Variants in COL6A5 observed in about 807,000 individuals in gnomAD.
COL6A5 encodes collagen alpha-5(VI) chain.
COL6A5 carries 48 observed loss-of-function variants against 65.6 expected under a neutral mutation model. The ratio of observed to expected loss-of-function variants is 0.73; its 90% confidence interval spans 0.58 to 0.93. The LOEUF (loss-of-function observed/expected upper bound fraction) is 0.93. Ranked by LOEUF, COL6A5 falls within the 40% of genes least tolerant of loss-of-function variation. The pLI is 0.00. For missense variants in COL6A5, 914 were observed against 928.3 expected (o/e 0.98, Z 0.20); for synonymous variants, 291 against 322.8 (o/e 0.90, Z 1.05).
intron 1 of COL6A5, among the ~76,000 whole-genome samples, chr3:130,356,011 T>A (rs1242474988): frequency 6.6e-6 from 1 of 152,166 alleles, no homozygotes; most frequent in Non-Finnish European, 1.5e-5. Flanking sequence ...CTATATTAAA[T>A]TGAGGTGTAG....
exon 3 of COL6A5, chr3:130,376,552 GGA>G: frequency 6.2e-7 from 1 of 1,605,320 alleles, no homozygotes; most frequent in Non-Finnish European, 8.5e-7. Context: ...CCCATAAATG[GGA>G]GAGACAGGAA....
rs142300541 is a variant in COL6A5, at chr3:130,403,179, A to G, written c.4228-430A>G. Among the ~76,000 whole-genome samples, 1,072 of 152,328 alleles carry G rather than the reference A, an allele frequency of 7.0e-3. 9 individuals are homozygous for G. Among genetic ancestry groups the G allele is most frequent in the Non-Finnish European group, 0.01 (713 of 68,024 alleles). On this transcript the variant is annotated intron_variant and NMD_transcript_variant, in intron 12 of 41. Transcript: ENST00000312481. ...AGGGAGAGATGACTGCAATTAAAATATATGCAATCTTGTTGTTGGAAGTGG... is the reference window on the plus strand; with the variant it reads ...AGGGAGAGATGACTGCAATTAAAATGTATGCAATCTTGTTGTTGGAAGTGG...
exon 25 of COL6A5, chr3:130,418,899 C>T (rs1937441487): frequency 6.4e-7 from 1 of 1,550,702 alleles, no homozygotes; most frequent in African/African-American, 1.4e-5. Flanking sequence ...AGATCTAGGG[C>T]CAGTGGGGCA....
At chr3:130,429,506 G>GT (rs1013908681), upstream of COL6A5, 4 of 1,401,720 alleles carry the variant, frequency 2.9e-6, no homozygotes, top group African/African-American at 4.4e-5. Flanking sequence ...TTAAAATGTT[G>GT]TTTTTTGAAC....
exon 3 of COL6A5, chr3:130,440,563 T>C: frequency 1.2e-6 from 2 of 1,613,558 alleles, no homozygotes; most frequent in Non-Finnish European, 1.7e-6. Flanking sequence ...AAACACCCTA[T>C]CTAAGAAAAC....
chr3:130,440,993 C>G (rs745717961), intron 3 of COL6A5, among the ~76,000 whole-genome samples, 168 bp downstream of exon 35: 2 of 152,066 alleles, frequency 1.3e-5, no homozygotes, highest in Non-Finnish European at 2.9e-5. Context: ...TGTTTATATC[C>G]TGGTCACAAA....
intron 7 of COL6A5, among the ~76,000 whole-genome samples, chr3:130,479,458 A>C (rs1329510751): frequency 1.4e-4 from 21 of 152,250 alleles, no homozygotes; most frequent in Middle Eastern, 3.4e-3. Flanking sequence ...AACAAACAAA[A>C]ACCACAAAAC....
chr3:130,436,792 G>T (rs542506682), intron 1 of COL6A5, among the ~76,000 whole-genome samples: 1 of 151,826 alleles, frequency 6.6e-6, no homozygotes, highest in African/African-American at 2.4e-5. Flanking sequence ...CATCACCTTG[G>T]CCTCAGAATG....
At chr3:130,405,735 C>G in intron 14 of COL6A5, 76 bp downstream of exon 14, 1 of 1,188,788 alleles carries the variant, frequency 8.4e-7, no homozygotes, top group Non-Finnish European at 1.2e-6. Flanking sequence ...CCTTTCCTCC[C>G]TCATTTTCTC....
intron 3 of COL6A5, 110 bp downstream of exon 3, chr3:130,376,946 T>TTTCCA: frequency 8.0e-7 from 1 of 1,244,320 alleles, no homozygotes. Context: ...CATGTTGAAG[T>TTTCCA]ATTGGAAACT....
chr3:130,424,119 A>G (rs1937562330), intron 29 of COL6A5, among the ~76,000 whole-genome samples: 1 of 152,134 alleles, frequency 6.6e-6, no homozygotes, highest in Non-Finnish European at 1.5e-5. Context: ...GGATCAGATA[A>G]TCAAATGTGA....
At chr3:130,411,137 G>A (rs139630661) in intron 20 of COL6A5, among the ~76,000 whole-genome samples, 43 of 152,286 alleles carry the variant, frequency 2.8e-4, no homozygotes, top group African/African-American at 1.0e-3. Flanking sequence ...AGCATCCCAC[G>A]TTATATCAAG....
At chr3:130,369,259 C>T (rs935743838) in intron 1 of COL6A5, among the ~76,000 whole-genome samples, 1 of 152,154 alleles carries the variant, frequency 6.6e-6, no homozygotes, top group African/African-American at 2.4e-5. Flanking sequence ...TAAACTTTCT[C>T]TTTCAGAATG....
At chr3:130,403,974 A>T (rs565905931) in intron 13 of COL6A5, among the ~76,000 whole-genome samples, 1 of 152,108 alleles carries the variant, frequency 6.6e-6, no homozygotes, top group African/African-American at 2.4e-5. Context: ...GTAGCCTGGC[A>T]TGTTTTTATC....
intron 7 of COL6A5, among the ~76,000 whole-genome samples, chr3:130,394,019 G>A (rs1936501736): frequency 6.6e-6 from 1 of 152,132 alleles, no homozygotes; most frequent in Non-Finnish European, 1.5e-5. Flanking sequence ...AAGGAATTCT[G>A]TGACCGTGGG....
rs1934447180 is a variant in COL6A5, at chr3:130,345,857, C to G, written c.-153C>G. On this transcript the variant is annotated 5_prime_UTR_variant and NMD_transcript_variant, in exon 1 of 42. In the 5' UTR this introduces an upstream ATG that the reference lacks. Transcript: ENST00000312481. ...CCAGGGCTTCCGGCGCGCGCTCTAT[C>G]CAACTGCGCCGCGGGCGCCCGAGAG... 2.5e-6 allele frequency: 1 copy of G among 398,558 alleles called. No individual in the cohort carries two copies. Among genetic ancestry groups the G allele is most frequent in the African/African-American group, 2.1e-5 (1 of 48,760 alleles). The allele number at this position is 398,558 out of a possible 1,614,324, so 24.7% of individuals were successfully genotyped here. A position where few individuals can be genotyped will look rare whatever the true frequency, so the allele number is the denominator to read the frequency against.
intron 4 of COL6A5, among the ~76,000 whole-genome samples, chr3:130,453,485 A>G (rs1482902833): frequency 1.3e-5 from 2 of 152,116 alleles, no homozygotes; most frequent in African/African-American, 4.8e-5. Context: ...CCTACCCAAG[A>G]TCTTATCTTG....
chr3:130,484,082 T>C (rs1239822473), exon 8 of COL6A5: 1 of 1,600,622 alleles, frequency 6.2e-7, no homozygotes, highest in South Asian at 1.1e-5. Context: ...ATAGCTCCAC[T>C]GACATGTATA....
chr3:130,484,490 C>T (rs1257864707), exon 8 of COL6A5: 1 of 401,290 alleles, frequency 2.5e-6, no homozygotes, highest in African/African-American at 2.1e-5. Flanking sequence ...AACTGGAAAG[C>T]CATGCCCATG....
Sources: gnomAD v4.1 joint callset for allele counts (sites outside exome capture counted in the v4.1 genomes callset) on GRCh38, gnomAD v4.1.1 for gene constraint, MANE v1.5 for transcripts, NCBI Gene and HGNC (gene_info 2026-07-23, HGNC 2026-07-21) for gene names.